DNAH9: variants seen among roughly 807,000 people sequenced by gnomAD.
DNAH9 encodes dynein axonemal heavy chain 9, also known as DNAH9 variant protein.
Under a neutral mutation model 471.6 loss-of-function variants are expected in DNAH9, and 345 were observed. The observed-to-expected ratio is 0.73, with a 90% CI of 0.67 to 0.80. DNAH9 has a LOEUF of 0.80. DNAH9 is among the 30% of genes least tolerant of loss of function. The probability of loss-of-function intolerance (pLI) is 0.00; values close to 1 mark genes in which losing one functional copy is unlikely to be tolerated. For synonymous variants in DNAH9, 2,093 were observed against 2,123.6 expected, an observed-to-expected ratio of 0.99 and a Z score of 0.40; for missense variants, 5,407 against 5,609.2, an observed-to-expected ratio of 0.96 and a Z score of 1.15.
rs12945437 is a variant in DNAH9, at chr17:11,719,177, A to G, written c.5553-157A>G. ...AGCACTGTGATGAGCTTGCCCGCTA[A>G]AGAGTCCTCCCCACAGTGCTGTGGG... On this transcript the variant is annotated intron_variant, in intron 26 of 68. Coordinates refer to ENST00000262442, the MANE Select transcript of DNAH9 (RefSeq NM_001372.4). 0.84 allele frequency among the ~76,000 whole-genome samples: 127,924 copies of G among 151,998 alleles called. 56,956 individuals are homozygous for G. Among genetic ancestry groups the G allele is most frequent in the Non-Finnish European group, 0.98 (66,873 of 68,000 alleles).
chr17:11,947,772 A>AATTTTTTTTTTTTTTT lies in DNAH9; in HGVS notation c.12843+5287_12843+5288insATTTTTTTTTTTTTTT, dbSNP rs1555528615. ...CAGAATCTGGGAGGGGCTGGGAACT[A>AATTTTTTTTTTTTTTT]TTTTTTTTTTTTTTTTTTTTTTTTT... On this transcript the variant is annotated intron_variant, in intron 67 of 68. Coordinates refer to ENST00000262442, the MANE Select transcript of DNAH9 (RefSeq NM_001372.4). Among the ~76,000 whole-genome samples the AATTTTTTTTTTTTTTT allele has an allele frequency of 3.7e-5, 4 of 108,344 alleles. 1 individual carries two copies. The highest frequency in any genetic ancestry group is 3.9e-5 in the African/African-American group (1 of 25,868). 71.1% of individuals were successfully genotyped at this position (108,344 alleles called of 152,430 possible).
chr17:11,746,779 G>A (rs1308442564), intron 31 of DNAH9, among the ~76,000 whole-genome samples: 3 of 152,138 alleles, frequency 2.0e-5, no homozygotes, highest in Admixed American at 2.0e-4. Context: ...AGTTTTTAAG[G>A]GAAATGATTT....
chr17:11,900,503 CAA>C lies in DNAH9; in HGVS notation c.11407-2201_11407-2200del, dbSNP rs71367356. ...TAGCTCTTCTTGATCCTTCCCCTGCCAAAAAAAAAAAAAAAATTCCCTTTCCT... is the reference window on the plus strand; with the variant it reads ...TAGCTCTTCTTGATCCTTCCCCTGCCAAAAAAAAAAAAAATTCCCTTTCCT... On this transcript the variant is annotated intron_variant, in intron 59 of 68. Transcript: ENST00000262442. Among the ~76,000 whole-genome samples the C allele has an allele frequency of 5.7e-4, 62 of 108,114 alleles. 2 individuals carry two copies. In the South Asian group the frequency reaches 0.019, roughly 33 times the overall value. The allele number at this position is 108,114 out of a possible 152,430, so 70.9% of individuals were successfully genotyped here.
chr17:11,727,884 C>G lies in DNAH9; in HGVS notation c.5776C>G (p.Arg1926Gly). ...GAWGCFDEFN[R>G]ISVEVLSVVA... ...CTGGGGCTGCTTTGATGAGTTTAATCGAATCTCCGTGGAGGTCTTGTCAGT... is the reference window on the plus strand; with the variant it reads ...CTGGGGCTGCTTTGATGAGTTTAATGGAATCTCCGTGGAGGTCTTGTCAGT... Residue 1926 changes from arginine to glycine, a missense_variant, in exon 28 of 69, where the codon CGA (arginine) becomes GGA (glycine). Transcript: ENST00000262442. 8.1e-6 allele frequency: 13 copies of G among 1,614,022 alleles called. No homozygotes were observed. The highest frequency in any genetic ancestry group is 1.1e-5 in the Non-Finnish European group (13 of 1,179,944).
At chr17:11,708,000 C>CAGAGAG (rs2074744968) in intron 26 of DNAH9, among the ~76,000 whole-genome samples, 1 of 51,228 alleles carries the variant, frequency 2.0e-5, no homozygotes, top group African/African-American at 4.4e-5. Context: ...CACACACACA[C>CAGAGAG]ACACACACAC....
chr17:11,681,184 A>G (rs986795287), intron 19 of DNAH9, among the ~76,000 whole-genome samples: 5 of 152,226 alleles, frequency 3.3e-5, no homozygotes, highest in African/African-American at 1.2e-4. Flanking sequence ...TATAATTACT[A>G]GGATTTTACT....
At chr17:11,889,232 T>C (rs1038552601) in intron 57 of DNAH9, among the ~76,000 whole-genome samples, 3 of 152,166 alleles carry the variant, frequency 2.0e-5, no homozygotes, top group African/African-American at 7.2e-5. Context: ...CTTCTCAAAA[T>C]AGAAGAAGCT....
intron 15 of DNAH9, among the ~76,000 whole-genome samples, chr17:11,665,531 G>A (rs901670704): frequency 6.6e-6 from 1 of 152,168 alleles, no homozygotes; most frequent in African/African-American, 2.4e-5. Context: ...ATTCTTTGAA[G>A]CTTTTAAAAA....
chr17:11,928,091 CTTTATTTA>C lies in DNAH9; in HGVS notation c.11878-1748_11878-1741del, dbSNP rs140957199. ...ATAGCATTTTACAGTATACAAAATC[CTTTATTTA>C]TTTATTTATTTATTTATTTATTTAT... On this transcript the variant is annotated intron_variant, in intron 62 of 68. Coordinates refer to ENST00000262442, the MANE Select transcript of DNAH9 (RefSeq NM_001372.4). 8.9e-3 allele frequency among the ~76,000 whole-genome samples: 1,329 copies of C among 148,694 alleles called. 9 individuals are homozygous for C. Among genetic ancestry groups the C allele is most frequent in the African/African-American group, 0.029 (1,172 of 40,336 alleles).
In DNAH9 at chr17:11,598,574, C is replaced by A. The variant is rs1223285364; in HGVS notation, c.76C>A (p.Arg26=). The A allele has an allele frequency of 5.2e-6, 7 of 1,341,670 alleles. No individual in the cohort carries two copies. In the South Asian group the frequency reaches 9.5e-5, roughly 18 times the overall value. The allele number at this position is 1,341,670 out of a possible 1,614,324, so 83.1% of individuals were successfully genotyped here. A position where few individuals can be genotyped will look rare whatever the true frequency, so the allele number is the denominator to read the frequency against. ...GGAACCCGGCGCCGACCGACGACTG[C>A]GACTCCTGGGGACCTACGTGGCCAT... ...DGEPGADRRL[R]LLGTYVAMSL... The change falls in exon 1 of 69, where the codon CGA becomes AGA. Residue 26 remains arginine (R), a synonymous_variant. Coordinates refer to ENST00000262442, the MANE Select transcript of DNAH9 (RefSeq NM_001372.4).
At chr17:11,868,648 G>T (rs560487552) in intron 50 of DNAH9, among the ~76,000 whole-genome samples, 1 of 152,060 alleles carries the variant, frequency 6.6e-6, no homozygotes, top group African/African-American at 2.4e-5. Flanking sequence ...TGTCCTCCCT[G>T]GCCCACGTGG....
At chr17:11,694,979 C>T (rs2074448512) in intron 22 of DNAH9, among the ~76,000 whole-genome samples, 1 of 150,452 alleles carries the variant, frequency 6.6e-6, no homozygotes, top group African/African-American at 2.5e-5. Context: ...ACCTCCGCCT[C>T]CTGGGTTCAA....
intron 19 of DNAH9, among the ~76,000 whole-genome samples, chr17:11,681,707 G>A (rs371023664): frequency 7.2e-4 from 109 of 152,156 alleles, no homozygotes; most frequent in Middle Eastern, 6.8e-3. Context: ...GAAAATTCTC[G>A]ATGCTTACAG....
At chr17:11,638,840 G>A (rs1383951240) in intron 9 of DNAH9, among the ~76,000 whole-genome samples, 2 of 152,284 alleles carry the variant, frequency 1.3e-5, no homozygotes, top group East Asian at 3.9e-4. Context: ...CTTGCTGTTG[G>A]TAGAATCCAG....
chr17:11,703,169 A>T (rs1337634474), intron 24 of DNAH9, among the ~76,000 whole-genome samples: 2 of 152,096 alleles, frequency 1.3e-5, no homozygotes, highest in Non-Finnish European at 2.9e-5. Context: ...TTGGCTACGA[A>T]GAAGAGAGGA....
chr17:11,866,399 C>T (rs985197349), intron 50 of DNAH9, among the ~76,000 whole-genome samples: 26 of 152,088 alleles, frequency 1.7e-4, no homozygotes, highest in African/African-American at 3.6e-4. Flanking sequence ...GAGGAGTACC[C>T]GGCCGTGTGA....
chr17:11,960,132 G>C (rs1975956852), intron 67 of DNAH9, among the ~76,000 whole-genome samples: 1 of 152,158 alleles, frequency 6.6e-6, no homozygotes, highest in Non-Finnish European at 1.5e-5. Context: ...ATGCTTAACT[G>C]TTTTTAAGAA....
intron 38 of DNAH9, among the ~76,000 whole-genome samples, chr17:11,775,598 T>C (rs976995837): frequency 2.5e-5 from 3 of 122,112 alleles, no homozygotes; most frequent in Non-Finnish European, 5.2e-5. Context: ...AGATGTTCTT[T>C]TTTTTTTTTT....
In DNAH9 at chr17:11,679,987, C is replaced by A. The variant is rs1430032862; in HGVS notation, c.3576+8C>A. On this transcript the variant is annotated splice_region_variant and intron_variant, in intron 18 of 68. Coordinates refer to ENST00000262442, the MANE Select transcript of DNAH9 (RefSeq NM_001372.4). ...GTGTTTAAGCAGCTGGAGGTCAGTG[C>A]ATTTATGTCTTCCTTATAAAAGAAA... The A allele has an allele frequency of 6.2e-7, 1 of 1,600,074 alleles. No homozygotes were observed.
Sources: allele counts gnomAD v4.1 joint callset (sites outside exome capture counted in the v4.1 genomes callset), GRCh38; gene constraint gnomAD v4.1.1; transcripts MANE v1.5; gene names NCBI Gene and HGNC (gene_info 2026-07-23, HGNC 2026-07-21).